Variants in SPATA17 observed in about 807,000 individuals in gnomAD.
The protein encoded by SPATA17 is spermatogenesis associated 17.
In SPATA17, 53 loss-of-function variants were observed where a neutral mutation model predicts 62.2. That is an observed-to-expected ratio of 0.85 (90% confidence interval 0.68 to 1.07). The LOEUF (loss-of-function observed/expected upper bound fraction) is 1.07. Ranked by LOEUF, SPATA17 falls within the 50% of genes least tolerant of loss-of-function variation. SPATA17 has a pLI of 0.00. For missense variants in SPATA17, 466 were observed against 425.5 expected (o/e 1.10, Z -0.84); for synonymous variants, 146 against 146.8 (o/e 0.99, Z 0.04).
chr1:217,806,314 T>C (rs1674434598), intron 9 of SPATA17, among the ~76,000 whole-genome samples: 7 of 152,018 alleles, frequency 4.6e-5, no homozygotes, highest in Admixed American at 3.3e-4. Flanking sequence ...CGTGTAAGGG[T>C]GGGCCCTGCC....
intron 6 of SPATA17, among the ~76,000 whole-genome samples, chr1:217,749,684 GC>G (rs1484010417): frequency 6.6e-6 from 1 of 151,548 alleles, no homozygotes; most frequent in Non-Finnish European, 1.5e-5. Context: ...TAAGTCTTTT[GC>G]CCTTTAACCC....
intron 6 of SPATA17, among the ~76,000 whole-genome samples, chr1:217,749,048 A>G (rs778163113): frequency 2.0e-5 from 3 of 151,940 alleles, no homozygotes; most frequent in African/African-American, 4.8e-5. Flanking sequence ...TGCATTGCAC[A>G]TTACATTTGT....
At chr1:217,723,556 T>C (rs1162991174) in intron 5 of SPATA17, among the ~76,000 whole-genome samples, 3 of 152,210 alleles carry the variant, frequency 2.0e-5, no homozygotes, top group Admixed American at 6.5e-5. Flanking sequence ...ATATTGCCCA[T>C]CCTTCCTCAT....
At chr1:217,675,165 A>C (rs1013167855) in intron 4 of SPATA17, among the ~76,000 whole-genome samples, 1 of 152,168 alleles carries the variant, frequency 6.6e-6, no homozygotes, top group Non-Finnish European at 1.5e-5. Flanking sequence ...TTTGTAGAGA[A>C]GGAGGATGGA....
chr1:217,806,239 G>A (rs933547955), intron 9 of SPATA17, among the ~76,000 whole-genome samples: 1 of 152,208 alleles, frequency 6.6e-6, no homozygotes, highest in African/African-American at 2.4e-5. Flanking sequence ...TGGGATGGCA[G>A]GGTCACCCTG....
intron 6 of SPATA17, among the ~76,000 whole-genome samples, chr1:217,758,006 C>T (rs1673088309): frequency 6.6e-6 from 1 of 152,056 alleles, no homozygotes; most frequent in Non-Finnish European, 1.5e-5. Flanking sequence ...TACTGGGGGC[C>T]AGCTAGATTT....
Position 217,749,977 on chromosome 1 carries a change from C to CTATATA in SPATA17, c.519+7880_519+7881insATATAT, listed in dbSNP as rs1418795091. ...TCTCTCTCTCTCTCTCTCTCTCTCTCTCTCTCTCTATATATATATATATAT... is the reference window on the plus strand; with the variant it reads ...TCTCTCTCTCTCTCTCTCTCTCTCTCTATATATCTCTCTCTATATATATATATATAT... On this transcript the variant is annotated intron_variant, in intron 6 of 10. Transcript: ENST00000366933. Among the ~76,000 whole-genome samples the CTATATA allele has an allele frequency of 5.4e-3, 193 of 35,524 alleles. 1 individual carries two copies. The highest frequency in any genetic ancestry group is 0.011 in the Middle Eastern group (1 of 88). 23.3% of individuals were successfully genotyped at this position (35,524 alleles called of 152,430 possible).
intron 5 of SPATA17, among the ~76,000 whole-genome samples, chr1:217,738,941 G>A (rs1427778465): frequency 6.6e-6 from 1 of 152,178 alleles, no homozygotes; most frequent in African/African-American, 2.4e-5. Flanking sequence ...GACAGAGCAA[G>A]ACTCAATCTC....
chr1:217,705,569 T>A (rs1015090540), intron 5 of SPATA17, among the ~76,000 whole-genome samples: 28 of 149,166 alleles, frequency 1.9e-4, no homozygotes, highest in African/African-American at 6.1e-4. Context: ...GCCTCCCAAG[T>A]AGCTGGGATT....
intron 6 of SPATA17, among the ~76,000 whole-genome samples, chr1:217,746,260 A>C (rs1672748554): frequency 6.6e-6 from 1 of 152,034 alleles, no homozygotes; most frequent in South Asian, 2.1e-4. Context: ...AATTTTATAA[A>C]AAGTATACCA....
chr1:217,751,635 T>G (rs1376183700), intron 6 of SPATA17, among the ~76,000 whole-genome samples: 1 of 152,218 alleles, frequency 6.6e-6, no homozygotes, highest in Non-Finnish European at 1.5e-5. Flanking sequence ...GGCATTATTA[T>G]CCATTGTCAG....
chr1:217,777,048 G>A (rs1160025427), intron 7 of SPATA17, among the ~76,000 whole-genome samples: 1 of 152,086 alleles, frequency 6.6e-6, no homozygotes, highest in African/African-American at 2.4e-5. Context: ...CAGGAGGCAG[G>A]GGCCCTTGGG....
At chr1:217,838,687 T>C (rs1179764514) in intron 9 of SPATA17, among the ~76,000 whole-genome samples, 1 of 152,060 alleles carries the variant, frequency 6.6e-6, no homozygotes, top group East Asian at 1.9e-4. Context: ...CAGGAGTCCC[T>C]TCCTCCCATC....
chr1:217,672,916 C>T (rs1670863750), intron 4 of SPATA17, among the ~76,000 whole-genome samples: 1 of 152,104 alleles, frequency 6.6e-6, no homozygotes, highest in Non-Finnish European at 1.5e-5. Context: ...GGCCCAGATC[C>T]TATCTTCATC....
chr1:217,793,705 C>T (rs1571809682), intron 8 of SPATA17, among the ~76,000 whole-genome samples: 1 of 151,986 alleles, frequency 6.6e-6, no homozygotes, highest in Admixed American at 6.6e-5. Context: ...TGGCAGAATA[C>T]GAGTCAGTCA....
chr1:217,857,374 CT>C (rs1484606351), intron 9 of SPATA17, among the ~76,000 whole-genome samples: 2 of 152,184 alleles, frequency 1.3e-5, no homozygotes, highest in Admixed American at 6.5e-5. Context: ...GAGCCGTTCA[CT>C]TCCAAAGACT....
chr1:217,753,723 T>C (rs1294289462), intron 6 of SPATA17, among the ~76,000 whole-genome samples: 1 of 151,998 alleles, frequency 6.6e-6, no homozygotes, highest in African/African-American at 2.4e-5. Flanking sequence ...AATACAAACA[T>C]ATATAAAATT....
chr1:217,683,233 T>G, intron 4 of SPATA17, 25 bp from the exon 5 acceptor site: 2 of 1,513,942 alleles, frequency 1.3e-6, no homozygotes, highest in Non-Finnish European at 1.8e-6. Flanking sequence ...AATGGCATAT[T>G]TTATCTCTTT....
At chr1:217,843,368 G>A (rs1289275717) in intron 9 of SPATA17, among the ~76,000 whole-genome samples, 1 of 151,968 alleles carries the variant, frequency 6.6e-6, no homozygotes, top group Non-Finnish European at 1.5e-5. Context: ...TGTAATCTCA[G>A]CACTTTGGGA....
Sources: allele counts gnomAD v4.1 joint callset (sites outside exome capture counted in the v4.1 genomes callset), GRCh38; gene constraint gnomAD v4.1.1; transcripts MANE v1.5; gene names NCBI Gene and HGNC (gene_info 2026-07-23, HGNC 2026-07-21).